MORC4: variants seen among roughly 807,000 people sequenced by gnomAD.
MORC4 encodes the protein MORC family CW-type zinc finger 4.
Under a neutral mutation model 65.5 loss-of-function variants are expected in MORC4, and 22 were observed. That is an observed-to-expected ratio of 0.34 (90% CI 0.24 to 0.48). The LOEUF (loss-of-function observed/expected upper bound fraction) is 0.48, where lower values mean the gene tolerates loss of function less well. Ranked by LOEUF, MORC4 falls within the 20% of genes least tolerant of loss-of-function variation. The pLI is 0.99. For missense variants in MORC4, 624 were observed against 703.0 expected (o/e 0.89, Z 1.27); for synonymous variants, 267 against 255.8 (o/e 1.04, Z -0.42).
At chrX:106,960,722 G>A (rs1569299482) in intron 10 of MORC4, among the ~76,000 whole-genome samples, 1 of 111,747 alleles carries the variant, frequency 8.9e-6, no homozygotes, top group Non-Finnish European at 1.9e-5. Flanking sequence ...CTGTTTCATT[G>A]CATTAATCAC....
intron 14 of MORC4, among the ~76,000 whole-genome samples, chrX:106,950,253 T>C (rs1933939309): frequency 8.9e-6 from 1 of 112,171 alleles, no homozygotes; most frequent in Non-Finnish European, 1.9e-5. Context: ...TTGCTGAAAC[T>C]TGTCATGGAG....
chrX:106,998,190 T>G (rs1366007800), intron 2 of MORC4, among the ~76,000 whole-genome samples: 5 of 112,347 alleles, frequency 4.5e-5, no homozygotes, highest in African/African-American at 1.6e-4. Flanking sequence ...AGTTAACACT[T>G]TGCTCTCTCT....
At chrX:106,983,283 T>C (rs1347734602) in intron 5 of MORC4, among the ~76,000 whole-genome samples, 1 of 112,385 alleles carries the variant, frequency 8.9e-6, no homozygotes, top group Non-Finnish European at 1.9e-5. Context: ...TTCTTTGTAA[T>C]ACAAACTATA....
At chrX:106,987,452 G>A (rs1225739476) in intron 3 of MORC4, among the ~76,000 whole-genome samples, 1 of 111,875 alleles carries the variant, frequency 8.9e-6, no homozygotes, top group Non-Finnish European at 1.9e-5. Context: ...TTTAAACTAA[G>A]CACCTACAAT....
intron 3 of MORC4, among the ~76,000 whole-genome samples, chrX:106,990,520 A>G (rs1934960296): frequency 8.9e-6 from 1 of 112,265 alleles, no homozygotes; most frequent in African/African-American, 3.2e-5. Context: ...GGCCTTTGGA[A>G]GTGCTAGAAT....
rs1159619051 is a variant in MORC4, at chrX:106,941,296, A to C, written c.*183T>G. The C allele has an allele frequency of 3.1e-5, 11 of 359,164 alleles. No homozygotes were observed. Among genetic ancestry groups the C allele is most frequent in the Non-Finnish European group, 5.2e-5 (11 of 211,512 alleles). The allele number at this position is 359,164 out of a possible 1,213,427, so 29.6% of individuals were successfully genotyped here. ...TAAACTGGCCTCTTTCTCCACACCA[A>C]AACTGATAAAAAGGAGACTGATTAT... On this transcript the variant is annotated 3_prime_UTR_variant, in exon 17 of 17. Transcript: ENST00000355610.
chrX:106,975,167 G>C (rs2147818234), intron 9 of MORC4, among the ~76,000 whole-genome samples: 1 of 111,963 alleles, frequency 8.9e-6, no homozygotes, highest in African/African-American at 3.2e-5. Flanking sequence ...ATAGAAAGAT[G>C]TTAAATAATT....
chrX:106,966,762 AGGT>A (rs1254259162), intron 9 of MORC4, among the ~76,000 whole-genome samples: 31 of 112,609 alleles, frequency 2.8e-4, no homozygotes, highest in Non-Finnish European at 5.1e-4. Context: ...AGGCTTGAGT[AGGT>A]GGTTCTATGT....
chrX:106,976,510 G>C, intron 9 of MORC4, 74 bp downstream of exon 9: 1 of 638,815 alleles, frequency 1.6e-6, no homozygotes. Flanking sequence ...TTTAGAGATG[G>C]TTTTAGAGGC....
chrX:106,995,328 A>C (rs1023308494), intron 2 of MORC4, among the ~76,000 whole-genome samples: 2 of 111,841 alleles, frequency 1.8e-5, no homozygotes, highest in African/African-American at 6.5e-5. Flanking sequence ...AGAAAACTTC[A>C]GGCTAAAAAG....
chrX:106,960,143 A>G (rs542676933), intron 10 of MORC4, among the ~76,000 whole-genome samples: 1 of 112,195 alleles, frequency 8.9e-6, no homozygotes, highest in Admixed American at 9.4e-5. Flanking sequence ...GAGTCAATAA[A>G]AAGCAGCTTC....
chrX:106,975,358 G>A (rs891801533), intron 9 of MORC4, among the ~76,000 whole-genome samples: 1 of 111,173 alleles, frequency 9.0e-6, no homozygotes, highest in Non-Finnish European at 1.9e-5. Context: ...TTATGGGCCA[G>A]ATTTACATTT....
chrX:106,949,366 A>G (rs1266542188), intron 14 of MORC4, among the ~76,000 whole-genome samples: 2 of 112,042 alleles, frequency 1.8e-5, no homozygotes, highest in East Asian at 2.8e-4. Flanking sequence ...GATAAATCCA[A>G]TATCTGAATC....
chrX:106,963,044 TTAAAG>T (rs1265268128), intron 9 of MORC4, among the ~76,000 whole-genome samples: 2 of 111,546 alleles, frequency 1.8e-5, no homozygotes, highest in African/African-American at 6.5e-5. Context: ...ATGGAAAAGA[TTAAAG>T]TAATCATATA....
At chrX:106,981,322 G>T (rs1292798032) in intron 6 of MORC4, 23 bp downstream of exon 6, 1 of 1,167,572 alleles carries the variant, frequency 8.6e-7, no homozygotes, top group East Asian at 3.0e-5. Flanking sequence ...ACCTCTCATT[G>T]TTGAAAAACC....
intron 9 of MORC4, among the ~76,000 whole-genome samples, chrX:106,969,847 C>A (rs1408477434): frequency 9.0e-6 from 1 of 111,558 alleles, no homozygotes; most frequent in Non-Finnish European, 1.9e-5. Context: ...AGCCTACCAA[C>A]CAAAAAAAGT....
chrX:106,958,303 C>A, intron 11 of MORC4, 33 bp downstream of exon 11: 1 of 1,168,420 alleles, frequency 8.6e-7, no homozygotes. Flanking sequence ...TCAGGAGTTA[C>A]CTTGAGCATA....
chrX:106,950,799 A>G (rs886196308), intron 14 of MORC4, among the ~76,000 whole-genome samples: 17 of 111,792 alleles, frequency 1.5e-4, no homozygotes, highest in African/African-American at 5.5e-4. Context: ...GAGCTAGGGG[A>G]TGAGGGAGCC....
intron 7 of MORC4, among the ~76,000 whole-genome samples, 198 bp from the exon 8 acceptor site, chrX:106,978,397 T>C (rs1934669562): frequency 9.0e-6 from 1 of 111,244 alleles, no homozygotes; most frequent in Admixed American, 9.6e-5. Context: ...TAAGAATTTA[T>C]CCCACAGAAA....
Sources: allele counts gnomAD v4.1 joint callset (sites outside exome capture counted in the v4.1 genomes callset), GRCh38; gene constraint gnomAD v4.1.1; transcripts MANE v1.5; gene names NCBI Gene and HGNC (gene_info 2026-07-23, HGNC 2026-07-21).